The following UNC13C variants were observed in gnomAD, a reference collection of about 807,000 sequenced individuals.
UNC13C encodes protein unc-13 homolog C.
A neutral mutation model predicts 245.4 loss-of-function variants in UNC13C; 174 were observed. That is an observed-to-expected ratio of 0.71 (90% CI 0.63 to 0.80). The LOEUF (loss-of-function observed/expected upper bound fraction) is 0.80. UNC13C is among the 30% of genes least tolerant of loss of function. The pLI is 0.00. For synonymous variants in UNC13C, 992 were observed against 895.1 expected (o/e 1.11, Z -1.93); for missense variants, 2,829 against 2,602.9 (o/e 1.09, Z -1.89).
chr15:54,322,953 A>C lies in UNC13C; in HGVS notation c.4425+858A>C, dbSNP rs1459953183. ...ATATTCCCAGGTTTCTGGTCAGGGC[A>C]AATGGGTAGGCAGTAGCGCTGTTCA... On this transcript the variant is annotated intron_variant, in intron 14 of 32. Coordinates refer to ENST00000260323, the MANE Select transcript of UNC13C (RefSeq NM_001080534.3). Among the ~76,000 whole-genome samples, 3 of 151,782 alleles carry C rather than the reference A, an allele frequency of 2.0e-5. No individual in the cohort carries two copies. The East Asian group carries it at 5.8e-4, about 30-fold the overall frequency.
chr15:54,047,471 G>T (rs997552906), intron 2 of UNC13C, among the ~76,000 whole-genome samples: 1 of 151,934 alleles, frequency 6.6e-6, no homozygotes, highest in Non-Finnish European at 1.5e-5. Flanking sequence ...ATATGATCTT[G>T]CCTATGCTAG....
intron 17 of UNC13C, among the ~76,000 whole-genome samples, chr15:54,374,375 C>T (rs2039559424): frequency 6.6e-6 from 1 of 152,134 alleles, no homozygotes; most frequent in Admixed American, 6.5e-5. Flanking sequence ...ACCAAGGCAG[C>T]CTCAGTAACC....
chr15:54,492,534 T>C (rs960737537), intron 19 of UNC13C, among the ~76,000 whole-genome samples: 11 of 152,196 alleles, frequency 7.2e-5, no homozygotes, highest in Non-Finnish European at 1.3e-4. Context: ...ATATGAATTA[T>C]TTAATACTTA....
At chr15:54,591,936 T>C (rs1448450259) in intron 30 of UNC13C, among the ~76,000 whole-genome samples, 1 of 152,160 alleles carries the variant, frequency 6.6e-6, no homozygotes, top group East Asian at 1.9e-4. Flanking sequence ...TTTAGGGTTA[T>C]GAACTTTCCT....
intron 19 of UNC13C, among the ~76,000 whole-genome samples, chr15:54,429,332 C>G (rs1421596927): frequency 1.3e-5 from 2 of 151,710 alleles, no homozygotes; most frequent in Non-Finnish European, 2.9e-5. Context: ...TTCCTGAGGA[C>G]AAGTTAAAGC....
chr15:54,235,900 G>T (rs2035684005), intron 5 of UNC13C, among the ~76,000 whole-genome samples: 2 of 151,908 alleles, frequency 1.3e-5, no homozygotes, highest in Admixed American at 1.3e-4. Flanking sequence ...TGGTTTTCAA[G>T]TTATTAACAT....
chr15:54,028,121 G>C (rs1033303688), intron 2 of UNC13C, among the ~76,000 whole-genome samples: 1 of 152,192 alleles, frequency 6.6e-6, no homozygotes, highest in African/African-American at 2.4e-5. Context: ...TGAACTTACT[G>C]TAGTGAGTGT....
chr15:54,013,706 A>G lies in UNC13C; in HGVS notation c.803A>G (p.Asn268Ser), dbSNP rs374013377. 82 of 1,613,566 alleles carry G rather than the reference A, an allele frequency of 5.1e-5. No individual in the cohort carries two copies. Among genetic ancestry groups the G allele is most frequent in the Non-Finnish European group, 6.1e-5 (72 of 1,179,772 alleles). ...CTTTCTGAACTACGAGGGCACGTCA[A>G]TGCTCTCAAGCACTCCATCGATGAG... ...TELSELRGHVNALKHSIDEIS... is the reference protein window; with the variant it reads ...TELSELRGHVSALKHSIDEIS... The change falls in exon 2 of 33, where the codon AAT becomes AGT. Residue 268 changes from asparagine (N) to serine (S), a missense_variant. Coordinates refer to ENST00000260323, the MANE Select transcript of UNC13C (RefSeq NM_001080534.3).
Position 54,400,195 on chromosome 15 carries a change from C to G in UNC13C, c.4847+7014C>G, listed in dbSNP as rs57770294. On this transcript the variant is annotated intron_variant, in intron 18 of 32. Transcript: ENST00000260323. ...TGTACATCACAACTAATAACATTAACGGTAAGGCCCTGGTATTGTGTAATC... is the reference window on the plus strand; with the variant it reads ...TGTACATCACAACTAATAACATTAAGGGTAAGGCCCTGGTATTGTGTAATC... 4.6e-3 allele frequency among the ~76,000 whole-genome samples: 697 copies of G among 152,048 alleles called. 34 individuals carry two copies. In the East Asian group the frequency reaches 0.1, roughly 22 times the overall value.
At chr15:54,118,504 C>T (rs2030433939) in intron 2 of UNC13C, among the ~76,000 whole-genome samples, 1 of 152,042 alleles carries the variant, frequency 6.6e-6, no homozygotes, top group African/African-American at 2.4e-5. Flanking sequence ...ATTTTCTAAC[C>T]TGCAACTGTA....
intron 10 of UNC13C, among the ~76,000 whole-genome samples, chr15:54,269,894 C>T (rs2036640751): frequency 6.6e-6 from 1 of 152,128 alleles, no homozygotes; most frequent in Non-Finnish European, 1.5e-5. Context: ...TAACACTGTA[C>T]CTGGCCATGC....
intron 2 of UNC13C, among the ~76,000 whole-genome samples, chr15:54,096,612 A>G (rs1331939723): frequency 6.6e-6 from 1 of 152,138 alleles, no homozygotes; most frequent in Non-Finnish European, 1.5e-5. Flanking sequence ...AGATTATAAC[A>G]ATTCCCTGTT....
At chr15:53,972,759 G>T in the UNC13C span, 2 of 152,058 alleles carry the variant, frequency 1.3e-5, no homozygotes, top group Non-Finnish European at 2.9e-5. Context: ...ATTGGCATGT[G>T]ATGTTATTCA....
Position 54,627,124 on chromosome 15 carries a change from G to T in UNC13C, c.*11G>T. 6.3e-7 allele frequency: 1 copy of T among 1,598,774 alleles called. No homozygotes were observed. The highest frequency in any genetic ancestry group is 1.3e-5 in the African/African-American group (1 of 74,570). ...GAAGAGAGTGCTTGAAACAAACACTGCAAGCTAAATACATAACTATAATTG... is the reference window on the plus strand; with the variant it reads ...GAAGAGAGTGCTTGAAACAAACACTTCAAGCTAAATACATAACTATAATTG... On this transcript the variant is annotated 3_prime_UTR_variant, in exon 33 of 33. Coordinates refer to ENST00000260323, the MANE Select transcript of UNC13C (RefSeq NM_001080534.3).
At chr15:54,336,441 A>G (rs56282556) in intron 16 of UNC13C, among the ~76,000 whole-genome samples, 97,724 of 151,206 alleles carry the variant, frequency 0.65, 32,364 homozygotes, top group African/African-American at 0.76. Context: ...CTTTTAATTA[A>G]TCTTAAAATA....
intron 19 of UNC13C, 94 bp from the exon 20 acceptor site, chr15:54,494,514 C>T: frequency 2.4e-6 from 3 of 1,233,082 alleles, no homozygotes; most frequent in Non-Finnish European, 2.1e-6. Context: ...CTATTTTCTT[C>T]CTTTTAGAAA....
At chr15:54,512,645 G>A (rs1490514363) in intron 24 of UNC13C, among the ~76,000 whole-genome samples, 1 of 152,096 alleles carries the variant, frequency 6.6e-6, no homozygotes, top group Non-Finnish European at 1.5e-5. Flanking sequence ...TTATTCCGCT[G>A]GAAACAATCT....
At chr15:54,149,500 T>C (rs930936230) in intron 4 of UNC13C, among the ~76,000 whole-genome samples, 4 of 152,182 alleles carry the variant, frequency 2.6e-5, no homozygotes, top group Admixed American at 6.5e-5. Context: ...TTTCAACTTA[T>C]TTGTATTCAC....
intron 2 of UNC13C, among the ~76,000 whole-genome samples, chr15:54,047,793 A>G (rs1036961999): frequency 1.3e-5 from 2 of 152,152 alleles, no homozygotes; most frequent in Non-Finnish European, 2.9e-5. Flanking sequence ...GAGGCATTTC[A>G]CAATTTAGAG....
Sources: gnomAD v4.1 joint callset for allele counts (sites outside exome capture counted in the v4.1 genomes callset) on GRCh38, gnomAD v4.1.1 for gene constraint, MANE v1.5 for transcripts, NCBI Gene and HGNC (gene_info 2026-07-23, HGNC 2026-07-21) for gene names.